ST6GALNAC3: variants seen among roughly 807,000 people sequenced by gnomAD.
The protein encoded by ST6GALNAC3 is alpha-N-acetylgalactosaminide alpha-2,6-sialyltransferase 3.
Under a neutral mutation model 32.7 loss-of-function variants are expected in ST6GALNAC3, and 25 were observed. The ratio of observed to expected loss-of-function variants is 0.76; its 90% CI spans 0.56 to 1.07. The LOEUF (loss-of-function observed/expected upper bound fraction) is 1.07. Ranked by LOEUF, ST6GALNAC3 falls within the 50% of genes least tolerant of loss-of-function variation. The pLI, the probability that ST6GALNAC3 is intolerant of heterozygous loss-of-function variation, is 0.00. For missense variants in ST6GALNAC3, 355 were observed against 382.4 expected (o/e 0.93, Z 0.60); for synonymous variants, 129 against 133.1 (o/e 0.97, Z 0.21).
At chr1:76,075,866 A>C (rs543137084) in intron 1 of ST6GALNAC3, among the ~76,000 whole-genome samples, 35 of 152,348 alleles carry the variant, frequency 2.3e-4, no homozygotes, top group African/African-American at 8.4e-4. Flanking sequence ...AAATACCAGG[A>C]AACAATTCGT....
chr1:76,427,949 G>A (rs1383831472), intron 3 of ST6GALNAC3, among the ~76,000 whole-genome samples: 2 of 152,100 alleles, frequency 1.3e-5, no homozygotes, highest in African/African-American at 4.8e-5. Flanking sequence ...ATCTCTCTAA[G>A]TCCACCAAAT....
intron 3 of ST6GALNAC3, among the ~76,000 whole-genome samples, chr1:76,427,293 A>G (rs1359643939): frequency 6.6e-6 from 1 of 152,048 alleles, no homozygotes; most frequent in African/African-American, 2.4e-5. Flanking sequence ...CCACCATTGA[A>G]TTGAGCACCA....
chr1:76,468,935 T>A (rs1340505447), intron 3 of ST6GALNAC3, among the ~76,000 whole-genome samples: 2 of 151,692 alleles, frequency 1.3e-5, no homozygotes, highest in East Asian at 1.9e-4. Flanking sequence ...CAGGAAAAAA[T>A]AATTTCTTTC....
intron 1 of ST6GALNAC3, among the ~76,000 whole-genome samples, chr1:76,313,085 G>A (rs1182929990): frequency 1.3e-5 from 2 of 151,552 alleles, no homozygotes; most frequent in South Asian, 2.1e-4. Flanking sequence ...TCTTACTTTT[G>A]CAAATCCTAT....
At chr1:76,272,591 T>C (rs2225785) in intron 1 of ST6GALNAC3, among the ~76,000 whole-genome samples, 17,057 of 152,164 alleles carry the variant, frequency 0.11, 1,540 homozygotes, top group East Asian at 0.35. Flanking sequence ...TCCTTGGTGC[T>C]GCTCTGAGTG....
chr1:76,148,031 G>A (rs1239569909), intron 1 of ST6GALNAC3, among the ~76,000 whole-genome samples: 2 of 152,120 alleles, frequency 1.3e-5, no homozygotes, highest in African/African-American at 4.8e-5. Context: ...AGCTGAAAAA[G>A]GATAATGGGG....
intron 3 of ST6GALNAC3, among the ~76,000 whole-genome samples, chr1:76,489,430 T>TTCTCTC (rs377559906): frequency 6.6e-6 from 1 of 150,874 alleles, no homozygotes; most frequent in Non-Finnish European, 1.5e-5. Flanking sequence ...TTTAGGAGAG[T>TTCTCTC]TCTCTCTCTC....
At chr1:76,423,662 A>G (rs1315089395) in intron 3 of ST6GALNAC3, among the ~76,000 whole-genome samples, 1 of 151,982 alleles carries the variant, frequency 6.6e-6, no homozygotes, top group African/African-American at 2.4e-5. Context: ...AATCTTCACT[A>G]AAAGGAGAAC....
In ST6GALNAC3 at chr1:76,521,819, A is replaced by C. The variant is rs1662554687; in HGVS notation, c.624-105633A>C. 2.0e-5 allele frequency among the ~76,000 whole-genome samples: 3 copies of C among 152,176 alleles called. No individual in the cohort carries two copies. The South Asian group carries it at 6.2e-4, about 31-fold the overall frequency. The stretch of plus-strand genomic sequence containing the variant: ...CGTGGTGGCTCACACCTGTAATCCT[A>C]GCACTTTGGGAGGCCGAGGCAGGTG... On this transcript the variant is annotated intron_variant, in intron 3 of 4. Transcript: ENST00000328299.
At chr1:76,228,718 G>C (rs758532896) in intron 1 of ST6GALNAC3, among the ~76,000 whole-genome samples, 5 of 152,160 alleles carry the variant, frequency 3.3e-5, no homozygotes, top group Non-Finnish European at 4.4e-5. Flanking sequence ...CTGTAAATGA[G>C]TTGTACTTTC....
chr1:76,464,207 T>C (rs1658477355), intron 3 of ST6GALNAC3, among the ~76,000 whole-genome samples: 1 of 152,214 alleles, frequency 6.6e-6, no homozygotes, highest in Non-Finnish European at 1.5e-5. Context: ...TCTTGACTTA[T>C]GCCTTAGCTA....
chr1:76,576,079 A>C (rs1350632927), intron 3 of ST6GALNAC3, among the ~76,000 whole-genome samples: 1 of 152,078 alleles, frequency 6.6e-6, no homozygotes, highest in Non-Finnish European at 1.5e-5. Flanking sequence ...TGGTTTCTCT[A>C]AACAGGGAAC....
intron 2 of ST6GALNAC3, among the ~76,000 whole-genome samples, chr1:76,409,745 A>G (rs1194237924): frequency 6.6e-6 from 1 of 152,132 alleles, no homozygotes; most frequent in Non-Finnish European, 1.5e-5. Context: ...CCTGTCTAAA[A>G]TAATATCTAT....
chr1:76,223,658 G>C (rs1192501072), intron 1 of ST6GALNAC3, among the ~76,000 whole-genome samples: 1 of 152,182 alleles, frequency 6.6e-6, no homozygotes, highest in Non-Finnish European at 1.5e-5. Flanking sequence ...GGTCAAAGTA[G>C]TTAAGAACCT....
intron 3 of ST6GALNAC3, among the ~76,000 whole-genome samples, chr1:76,610,843 T>A (rs1647878421): frequency 2.0e-5 from 3 of 152,124 alleles, no homozygotes; most frequent in African/African-American, 7.2e-5. Context: ...TATACCTTCT[T>A]TCCTGGTATG....
intron 1 of ST6GALNAC3, among the ~76,000 whole-genome samples, chr1:76,281,255 TTC>T (rs1391461188): frequency 6.6e-6 from 1 of 152,220 alleles, no homozygotes; most frequent in Non-Finnish European, 1.5e-5. Context: ...TTTGCAAATT[TTC>T]TCTCTTAGAA....
At chr1:76,114,917 C>CAAAA (rs542571151) in intron 1 of ST6GALNAC3, among the ~76,000 whole-genome samples, 1 of 78,996 alleles carries the variant, frequency 1.3e-5, no homozygotes, top group African/African-American at 4.6e-5. Flanking sequence ...GACCTTGTCT[C>CAAAA]AAAAAAAAAA....
At chr1:76,541,221 G>T (rs1412374983) in intron 3 of ST6GALNAC3, among the ~76,000 whole-genome samples, 1 of 152,158 alleles carries the variant, frequency 6.6e-6, no homozygotes, top group East Asian at 1.9e-4. Context: ...TATGTTAAAG[G>T]TTCAGATTTA....
At chr1:76,390,970 C>T (rs972546689) in intron 2 of ST6GALNAC3, among the ~76,000 whole-genome samples, 3 of 99,272 alleles carry the variant, frequency 3.0e-5, no homozygotes, top group South Asian at 3.2e-4. Context: ...GATGGAGTCT[C>T]GCACTGTCGC....
Sources: gnomAD v4.1 joint callset for allele counts (sites outside exome capture counted in the v4.1 genomes callset) on GRCh38, gnomAD v4.1.1 for gene constraint, MANE v1.5 for transcripts, NCBI Gene and HGNC (gene_info 2026-07-23, HGNC 2026-07-21) for gene names.